Variants in HTR4 observed in about 807,000 individuals in gnomAD.
HTR4 encodes the protein 5-hydroxytryptamine receptor 4, also known as 5-hydroxytryptamine (serotonin) receptor 4, G protein-coupled.
Under a neutral mutation model 36.8 loss-of-function variants are expected in HTR4, and 16 were observed. The ratio of observed to expected loss-of-function variants is 0.43; its 90% CI spans 0.29 to 0.66. The LOEUF (loss-of-function observed/expected upper bound fraction) is 0.66. Among genes scored for constraint, HTR4 ranks in the 30% least tolerant of loss-of-function variants. HTR4 has a pLI of 0.13. For missense variants in HTR4, 438 were observed against 490.9 expected (o/e 0.89, Z 1.02); for synonymous variants, 189 against 185.1 (o/e 1.02, Z -0.17).
chr5:148,496,526 T>C (rs1756693084), intron 6 of HTR4, among the ~76,000 whole-genome samples: 1 of 152,172 alleles, frequency 6.6e-6, no homozygotes, highest in Non-Finnish European at 1.5e-5. Flanking sequence ...TATGGCCAAA[T>C]ATGCCTAAAG....
chr5:148,496,094 C>T (rs1051467873), intron 6 of HTR4, among the ~76,000 whole-genome samples: 3 of 151,926 alleles, frequency 2.0e-5, no homozygotes, highest in African/African-American at 2.4e-5. Context: ...TGTGAGACTC[C>T]GCCTCAAAAA....
At chr5:148,504,902 G>A (rs1757120407) in intron 6 of HTR4, among the ~76,000 whole-genome samples, 1 of 152,138 alleles carries the variant, frequency 6.6e-6, no homozygotes, top group South Asian at 2.1e-4. Context: ...ACAAGAAATG[G>A]ATAAATTCCT....
intron 5 of HTR4, among the ~76,000 whole-genome samples, chr5:148,521,304 A>T (rs1418905879): frequency 6.6e-6 from 1 of 152,156 alleles, no homozygotes; most frequent in Non-Finnish European, 1.5e-5. Flanking sequence ...TTAGTCAAGC[A>T]TTATTCTGGG....
chr5:148,455,975 G>A (rs1755092879), intron 5 of HTR4, among the ~76,000 whole-genome samples: 1 of 152,056 alleles, frequency 6.6e-6, no homozygotes, highest in Admixed American at 6.6e-5. Flanking sequence ...GGGTGGCAGA[G>A]GCTGAAGAAA....
At position 148,579,532 on chromosome 5, in the gene HTR4, T is replaced by A. The variant is rs146116235; in HGVS notation, c.27-29270A>T. Among the ~76,000 whole-genome samples the A allele has an allele frequency of 1.7e-3, 266 of 152,180 alleles. 1 individual carries two copies. The highest frequency in any genetic ancestry group is 2.6e-3 in the Non-Finnish European group (176 of 67,958). ...AACAATTTACTGCAAAGTTAGCAGTTTAATATAACACCCATTCATTATCTC... is the reference window on the plus strand; with the variant it reads ...AACAATTTACTGCAAAGTTAGCAGTATAATATAACACCCATTCATTATCTC... On this transcript the variant is annotated intron_variant, in intron 2 of 6. Coordinates refer to ENST00000377888, the MANE Select transcript of HTR4 (RefSeq NM_000870.7).
intron 5 of HTR4, among the ~76,000 whole-genome samples, chr5:148,466,451 T>G (rs1341298240): frequency 6.6e-6 from 1 of 152,220 alleles, no homozygotes; most frequent in Non-Finnish European, 1.5e-5. Context: ...GCAAGTGAAT[T>G]GAAATAGCAC....
At position 148,550,252 on chromosome 5, in the gene HTR4, C is replaced by A; in HGVS notation, c.37G>T (p.Gly13Cys). The A allele has an allele frequency of 1.9e-6, 3 of 1,614,062 alleles. No homozygotes were observed. Among genetic ancestry groups the A allele is most frequent in the Non-Finnish European group, 2.5e-6 (3 of 1,180,008 alleles). ...ACCACCTTCTCCACTGACCCGAAACCCTCCTCAGAACTGAAAGACACACAC... is the reference window on the plus strand; with the variant it reads ...ACCACCTTCTCCACTGACCCGAAACACTCCTCAGAACTGAAAGACACACAC... Reference protein sequence around the residue: ...KLDANVSSEEGFGSVEKVVLL... With the variant: ...KLDANVSSEECFGSVEKVVLL... Residue 13 changes from glycine to cysteine, a missense_variant, in exon 3 of 7, where the codon GGT (glycine) becomes TGT (cysteine). Coordinates refer to ENST00000377888, the MANE Select transcript of HTR4 (RefSeq NM_000870.7).
intron 2 of HTR4, among the ~76,000 whole-genome samples, chr5:148,597,079 C>T (rs1761806615): frequency 6.6e-6 from 1 of 152,178 alleles, no homozygotes; most frequent in Admixed American, 6.5e-5. Flanking sequence ...TGAAGCCCAG[C>T]TCAGATGCTG....
Position 148,483,295 on chromosome 5 carries a change from T to C in HTR4, c.1077-2A>G, listed in dbSNP as rs1267668169. On this transcript the variant is annotated splice_acceptor_variant, in intron 6 of 6. Transcript: ENST00000377888. LOFTEE classifies it high-confidence loss of function. ...TGGCCACCACACTCCACTGCATCCCTAGAGAGAGGAGAAGATTACAGAACC... is the reference window on the plus strand; with the variant it reads ...TGGCCACCACACTCCACTGCATCCCCAGAGAGAGGAGAAGATTACAGAACC... The C allele has an allele frequency of 6.2e-7, 1 of 1,611,120 alleles. No individual in the cohort carries two copies. The highest frequency in any genetic ancestry group is 8.5e-7 in the Non-Finnish European group (1 of 1,178,486).
chr5:148,486,521 C>T (rs754044136), intron 6 of HTR4, among the ~76,000 whole-genome samples: 8 of 152,172 alleles, frequency 5.3e-5, no homozygotes, highest in Non-Finnish European at 1.0e-4. Context: ...TCCTGTGCCT[C>T]ACTTTTCCCA....
chr5:148,634,704 T>C lies in HTR4; in HGVS notation c.26+2285A>G, dbSNP rs138526125. 6.2e-3 allele frequency among the ~76,000 whole-genome samples: 947 copies of C among 152,312 alleles called. 13 individuals carry two copies. The highest frequency in any genetic ancestry group is 0.022 in the African/African-American group (911 of 41,584). The stretch of plus-strand genomic sequence containing the variant: ...TATGCAACTGTACTCTCAAAGTCCC[T>C]TACAACTAATGTTTTGCCCCTTCCC... On this transcript the variant is annotated intron_variant, in intron 2 of 6. Coordinates refer to ENST00000377888, the MANE Select transcript of HTR4 (RefSeq NM_000870.7).
chr5:148,480,077 T>A (rs915943377), downstream of HTR4, among the ~76,000 whole-genome samples: 3 of 152,198 alleles, frequency 2.0e-5, no homozygotes, highest in African/African-American at 7.2e-5. Context: ...TTTGTATATA[T>A]ATAATTTATA....
intron 4 of HTR4, among the ~76,000 whole-genome samples, chr5:148,531,631 T>C (rs2113813632): frequency 6.6e-6 from 1 of 152,334 alleles, no homozygotes; most frequent in South Asian, 2.1e-4. Flanking sequence ...TCTAGGGATT[T>C]GGAATTCACC....
In HTR4 at chr5:148,451,273, C is replaced by T. The variant is rs200707776; in HGVS notation, c.1077-1G>A. ...ATGTCCCCTGTGCAGAACGGTGTAC[C>T]TAGAAAGGAAGGAAAGAAGGCATGA... On this transcript the variant is annotated splice_acceptor_variant, in intron 5 of 5. Transcript: ENST00000521530. LOFTEE classifies it high-confidence loss of function. 20 of 1,613,660 alleles carry T rather than the reference C, an allele frequency of 1.2e-5. No homozygotes were observed. The highest frequency in any genetic ancestry group is 1.7e-5 in the Non-Finnish European group (20 of 1,179,704).
intron 6 of HTR4, among the ~76,000 whole-genome samples, chr5:148,494,829 T>A (rs1364555407): frequency 6.6e-6 from 1 of 152,244 alleles, no homozygotes; most frequent in Non-Finnish European, 1.5e-5. Context: ...AACTGAGTTT[T>A]TAGTTGTGTT....
intron 1 of HTR4, among the ~76,000 whole-genome samples, chr5:148,640,533 TA>T (rs1386529675): frequency 6.6e-6 from 1 of 152,182 alleles, no homozygotes; most frequent in Non-Finnish European, 1.5e-5. Flanking sequence ...AGAAGAAAAC[TA>T]ACCCAAAGGA....
chr5:148,629,246 T>C (rs2127299142), intron 2 of HTR4: 1 of 152,266 alleles, frequency 6.6e-6, no homozygotes, highest in South Asian at 2.1e-4. Flanking sequence ...CATGTAACTG[T>C]TGATACTAAA....
intron 2 of HTR4, among the ~76,000 whole-genome samples, chr5:148,552,988 C>T (rs1217911698): frequency 6.6e-6 from 1 of 152,076 alleles, no homozygotes; most frequent in Admixed American, 6.6e-5. Flanking sequence ...AAAAGAAGGC[C>T]CAGAGATGAA....
chr5:148,545,735 G>C (rs576966556), intron 4 of HTR4, among the ~76,000 whole-genome samples: 1 of 152,206 alleles, frequency 6.6e-6, no homozygotes, highest in Non-Finnish European at 1.5e-5. Flanking sequence ...GCCTGGAGGT[G>C]AGGTTAGGAA....
Sources: allele counts gnomAD v4.1 joint callset (sites outside exome capture counted in the v4.1 genomes callset), GRCh38; gene constraint gnomAD v4.1.1; transcripts MANE v1.5; gene names NCBI Gene and HGNC (gene_info 2026-07-23, HGNC 2026-07-21).